Variants in RNF38 observed in about 807,000 individuals in gnomAD.
The protein encoded by RNF38 is E3 ubiquitin-protein ligase RNF38.
RNF38 carries 15 observed loss-of-function variants against 67.2 expected under a neutral mutation model. That is an observed-to-expected ratio of 0.22 (90% CI 0.15 to 0.34). The LOEUF (loss-of-function observed/expected upper bound fraction) is 0.34. RNF38 is among the 10% of genes least tolerant of loss of function. The pLI, the probability that RNF38 is intolerant of heterozygous loss-of-function variation, is 1.00. For missense variants in RNF38, 524 were observed against 639.9 expected (o/e 0.82, Z 1.95); for synonymous variants, 220 against 218.8 (o/e 1.01, Z -0.05).
chr9:36,466,841 G>C (rs183520433), intron 1 of RNF38, among the ~76,000 whole-genome samples: 62 of 151,518 alleles, frequency 4.1e-4, no homozygotes, highest in African/African-American at 1.1e-3. Flanking sequence ...GTATATTTTT[G>C]TAATCAGAAG....
intron 9 of RNF38, among the ~76,000 whole-genome samples, chr9:36,348,090 A>G (rs1410837176): frequency 6.6e-6 from 1 of 152,074 alleles, no homozygotes; most frequent in African/African-American, 2.4e-5. Flanking sequence ...AAACAAAACA[A>G]AAACTAGAAA....
At chr9:36,486,836 C>T (rs1314608378) in intron 1 of RNF38, among the ~76,000 whole-genome samples, 7 of 152,168 alleles carry the variant, frequency 4.6e-5, no homozygotes, top group African/African-American at 9.6e-5. Context: ...CCAAAAAGGG[C>T]TGGGTGGGTG....
chr9:36,435,945 A>C (rs1344368556), intron 1 of RNF38, among the ~76,000 whole-genome samples: 2 of 152,066 alleles, frequency 1.3e-5, no homozygotes, highest in African/African-American at 2.4e-5. Flanking sequence ...TGGAGTTTTT[A>C]TACACCACAA....
intron 1 of RNF38, among the ~76,000 whole-genome samples, chr9:36,449,727 T>C (rs1839392640): frequency 6.6e-6 from 1 of 151,978 alleles, no homozygotes; most frequent in Admixed American, 6.6e-5. Flanking sequence ...GAGCCACCGC[T>C]CCCAGCCTAG....
intron 1 of RNF38, among the ~76,000 whole-genome samples, chr9:36,484,983 G>A (rs1350718834): frequency 1.3e-5 from 2 of 152,068 alleles, no homozygotes; most frequent in African/African-American, 4.8e-5. Flanking sequence ...TGGCTAACAC[G>A]ATGAAACCCC....
intron 1 of RNF38, among the ~76,000 whole-genome samples, chr9:36,444,378 G>C (rs994500116): frequency 2.0e-5 from 3 of 152,174 alleles, no homozygotes; most frequent in African/African-American, 7.2e-5. Context: ...AAGGTGATAG[G>C]TTAATCTGTG....
chr9:36,352,763 GGAT>G lies in RNF38; in HGVS notation c.1154_1156del (p.His385del), dbSNP rs747882570. ...TTACAACACATATGGCAGTAAGCTG[GGAT>G]GATAAGGGGGAGGTGGTATTGGCTG... On this transcript the variant is annotated inframe_deletion, in exon 8 of 12. Transcript: ENST00000259605. The G allele has an allele frequency of 1.9e-6, 3 of 1,613,322 alleles. No homozygotes were observed. The highest frequency in any genetic ancestry group is 4.5e-5 in the East Asian group (2 of 44,866).
In RNF38 at chr9:36,353,275, T is replaced by C. The variant is rs1178601539; in HGVS notation, c.966A>G (p.Gly322=). 1.2e-6 allele frequency: 2 copies of C among 1,613,132 alleles called. No individual in the cohort carries two copies. The highest frequency in any genetic ancestry group is 1.7e-6 in the Non-Finnish European group (2 of 1,179,650). ...GGGCTGATGGAGGGTAAGTAAAACC[T>C]CCTACTGGAAGATGTTCTCCTAAGA... ...VELLGEHLPV[G]GFTYPPSAHP... Residue 322 remains glycine (G), a synonymous_variant, in exon 7 of 12, where the codon GGA becomes GGG. Transcript: ENST00000259605.
intron 4 of RNF38, 93 bp downstream of exon 4, chr9:36,369,625 TA>T: frequency 6.1e-6 from 6 of 980,780 alleles, no homozygotes; most frequent in Non-Finnish European, 7.5e-6. Context: ...AGGTAAAAAC[TA>T]AAAGAAATTT....
At chr9:36,356,755 G>GCGGGGGGGA (rs1834144555) in intron 5 of RNF38, among the ~76,000 whole-genome samples, 1 of 145,628 alleles carries the variant, frequency 6.9e-6, no homozygotes, top group East Asian at 2.1e-4. Flanking sequence ...TGTGGGGGGG[G>GCGGGGGGGA]CGGGGGGGAA....
At chr9:36,434,694 G>T (rs1022267598) in intron 1 of RNF38, among the ~76,000 whole-genome samples, 1 of 152,154 alleles carries the variant, frequency 6.6e-6, no homozygotes, top group Non-Finnish European at 1.5e-5. Context: ...CAGCCTACAT[G>T]TAACTTTTAA....
At chr9:36,341,285 A>C (rs1273735421) in intron 11 of RNF38, among the ~76,000 whole-genome samples, 1 of 152,162 alleles carries the variant, frequency 6.6e-6, no homozygotes, top group Non-Finnish European at 1.5e-5. Context: ...CTTTCCTTTT[A>C]AAATAATTTA....
chr9:36,401,035 G>C (rs1472940467), upstream of RNF38: 8 of 984,540 alleles, frequency 8.1e-6, no homozygotes, highest in African/African-American at 1.1e-4. Context: ...CGCGACACGC[G>C]CGGTCCTCCC....
chr9:36,441,735 C>CAA (rs397756111), intron 1 of RNF38, among the ~76,000 whole-genome samples: 1 of 151,288 alleles, frequency 6.6e-6, no homozygotes, highest in Non-Finnish European at 1.5e-5. Flanking sequence ...AAAACAACAA[C>CAA]TTGTGCACCT....
At chr9:36,365,150 A>G (rs1834844158) in intron 4 of RNF38, among the ~76,000 whole-genome samples, 1 of 151,914 alleles carries the variant, frequency 6.6e-6, no homozygotes, top group African/African-American at 2.4e-5. Flanking sequence ...TCATCTTCTC[A>G]AGTTACACCA....
At chr9:36,360,792 C>G (rs1277226960) in intron 4 of RNF38, among the ~76,000 whole-genome samples, 2 of 152,042 alleles carry the variant, frequency 1.3e-5, no homozygotes. Flanking sequence ...ACAAATACCA[C>G]CCCCCTACCC....
intron 7 of RNF38, 143 bp downstream of exon 7, chr9:36,353,027 G>A (rs1043335305): frequency 1.2e-6 from 1 of 803,952 alleles, no homozygotes; most frequent in Non-Finnish European, 2.0e-6. Context: ...CATACACTCA[G>A]GTGTATTTCT....
chr9:36,396,717 T>C (rs1174432159), intron 1 of RNF38, among the ~76,000 whole-genome samples: 1 of 151,848 alleles, frequency 6.6e-6, no homozygotes, highest in Admixed American at 6.6e-5. Flanking sequence ...GTTCAAAATG[T>C]AACCAAAAAA....
At chr9:36,434,232 C>T (rs1307346665) in intron 1 of RNF38, among the ~76,000 whole-genome samples, 1 of 132,258 alleles carries the variant, frequency 7.6e-6, no homozygotes, top group Non-Finnish European at 1.6e-5. Context: ...GAGACTCTGC[C>T]TGAGAAAGGG....
Sources: gnomAD v4.1 joint callset for allele counts (sites outside exome capture counted in the v4.1 genomes callset) on GRCh38, gnomAD v4.1.1 for gene constraint, MANE v1.5 for transcripts, NCBI Gene and HGNC (gene_info 2026-07-23, HGNC 2026-07-21) for gene names.